Variants in CDH8 observed in about 807,000 individuals in gnomAD.
CDH8 encodes the protein cadherin-8.
A neutral mutation model predicts 68.1 loss-of-function variants in CDH8; 17 were observed. The observed-to-expected ratio is 0.25, with a 90% confidence interval of 0.17 to 0.37. The LOEUF (loss-of-function observed/expected upper bound fraction) is 0.37, where lower values mean the gene tolerates loss of function less well. Among genes scored for constraint, CDH8 ranks in the 10% least tolerant of loss-of-function variants. The pLI, the probability that CDH8 is intolerant of heterozygous loss-of-function variation, is 1.00. For synonymous variants in CDH8, 372 were observed against 365.1 expected (o/e 1.02, Z -0.21); for missense variants, 763 against 999.3 (o/e 0.76, Z 3.19).
At position 61,983,850 on chromosome 16, in the gene CDH8, G is replaced by C. The variant is rs371212278; in HGVS notation, c.252+37302C>G. 1.3e-4 allele frequency among the ~76,000 whole-genome samples: 20 copies of C among 150,514 alleles called. No individual in the cohort carries two copies. The East Asian group carries it at 3.1e-3, about 23-fold the overall frequency. On this transcript the variant is annotated intron_variant, in intron 2 of 11. Transcript: ENST00000577390. ...CTGCCTTCTTGCTATGTCTTCACAT[G>C]GCAAGGAGAGAAAGCTCTGGTGTTT...
In CDH8 at chr16:61,731,509, C is replaced by G. The variant is rs534260844; in HGVS notation, c.1415-4294G>C. ...ATCAAAGAGAGCCCTGCCAAAACCA[C>G]TGTATTTCCAGGTGTTTATGTAAAT... is the stretch of plus-strand genomic sequence containing the variant. On this transcript the variant is annotated intron_variant, in intron 8 of 11. Transcript: ENST00000577390. 2.6e-5 allele frequency among the ~76,000 whole-genome samples: 4 copies of G among 151,822 alleles called. No homozygotes were observed. In the East Asian group the frequency reaches 7.8e-4, roughly 29 times the overall value.
At chr16:61,903,060 C>T (rs1233875871) in intron 2 of CDH8, among the ~76,000 whole-genome samples, 1 of 152,062 alleles carries the variant, frequency 6.6e-6, no homozygotes, top group Admixed American at 6.5e-5. Flanking sequence ...AGTTTCCATT[C>T]ACATACAAGG....
chr16:61,925,666 G>T (rs138170753), intron 2 of CDH8, among the ~76,000 whole-genome samples: 1 of 152,130 alleles, frequency 6.6e-6, no homozygotes, highest in Non-Finnish European at 1.5e-5. Flanking sequence ...CAAGCAACAT[G>T]AATTTCAAGG....
intron 10 of CDH8, among the ~76,000 whole-genome samples, chr16:61,698,417 A>G (rs1348866993): frequency 6.6e-6 from 1 of 152,134 alleles, no homozygotes; most frequent in Non-Finnish European, 1.5e-5. Context: ...TGCCTCCGAG[A>G]GTCTTTTATG....
intron 4 of CDH8, among the ~76,000 whole-genome samples, chr16:61,829,995 C>T (rs1278344797): frequency 6.6e-6 from 1 of 151,782 alleles, no homozygotes; most frequent in Non-Finnish European, 1.5e-5. Context: ...CTTTACTATT[C>T]CTATTCACAA....
intron 4 of CDH8, among the ~76,000 whole-genome samples, chr16:61,848,321 T>A (rs181512174): frequency 6.6e-6 from 1 of 152,132 alleles, no homozygotes; most frequent in Non-Finnish European, 1.5e-5. Flanking sequence ...ATAGTCTTTC[T>A]ATCCAGCATG....
chr16:61,833,707 A>G (rs1177790332), intron 4 of CDH8, among the ~76,000 whole-genome samples: 1 of 151,876 alleles, frequency 6.6e-6, no homozygotes, highest in South Asian at 2.1e-4. Context: ...GATTTGCCAT[A>G]TACTTTGGTT....
rs182578374 is a variant in CDH8, at chr16:61,708,799, A to G, written c.1654+5042T>C. Among the ~76,000 whole-genome samples the G allele has an allele frequency of 2.0e-5, 3 of 152,330 alleles. No homozygotes were observed. In the East Asian group the frequency reaches 5.8e-4, roughly 29 times the overall value. On this transcript the variant is annotated intron_variant, in intron 10 of 11. Coordinates refer to ENST00000577390, the MANE Select transcript of CDH8 (RefSeq NM_001796.5). ...ATGCATAGTGCTGTTCTCCGTATCT[A>G]TGATCTGTCACACCTCCTGTTTCAT...
intron 2 of CDH8, among the ~76,000 whole-genome samples, chr16:62,015,013 C>A (rs1423349602): frequency 6.6e-6 from 1 of 151,726 alleles, no homozygotes; most frequent in Non-Finnish European, 1.5e-5. Flanking sequence ...TACCCCCCCA[C>A]CACAAACACA....
At chr16:61,686,362 A>G (rs978901415) in intron 10 of CDH8, among the ~76,000 whole-genome samples, 4 of 152,000 alleles carry the variant, frequency 2.6e-5, no homozygotes, top group Non-Finnish European at 4.4e-5. Flanking sequence ...ATTGATTGCC[A>G]CAACTATCCA....
intron 10 of CDH8, among the ~76,000 whole-genome samples, chr16:61,656,805 C>T (rs1312895545): frequency 6.6e-6 from 1 of 152,168 alleles, no homozygotes; most frequent in South Asian, 2.1e-4. Context: ...ATTGGTCCCA[C>T]ATTAGATACA....
At position 61,653,419 on chromosome 16, in the gene CDH8, T is replaced by C; in HGVS notation, c.*189A>G. 2.9e-6 allele frequency: 4 copies of C among 1,387,496 alleles called. No homozygotes were observed. Among genetic ancestry groups the C allele is most frequent in the South Asian group, 3.7e-5 (2 of 54,214 alleles). The allele number at this position is 1,387,496 out of a possible 1,614,324, so 85.9% of individuals were successfully genotyped here. On this transcript the variant is annotated 3_prime_UTR_variant, in exon 12 of 12. Transcript: ENST00000577390. ...CTTAATTCACACTCCACAAGATTTATAACCTCCTAACATATACTTTTTTAT... is the reference window on the plus strand; with the variant it reads ...CTTAATTCACACTCCACAAGATTTACAACCTCCTAACATATACTTTTTTAT...
chr16:62,022,139 CA>C (rs1208245566), intron 1 of CDH8, among the ~76,000 whole-genome samples: 1 of 151,942 alleles, frequency 6.6e-6, no homozygotes, highest in Non-Finnish European at 1.5e-5. Context: ...GAATTAACAA[CA>C]TTAAAAAAAT....
intron 10 of CDH8, among the ~76,000 whole-genome samples, chr16:61,669,086 G>A (rs770966044): frequency 2.6e-5 from 4 of 151,922 alleles, no homozygotes; most frequent in Non-Finnish European, 5.9e-5. Flanking sequence ...TGATTTGTAG[G>A]TCAAATATCC....
intron 3 of CDH8, among the ~76,000 whole-genome samples, chr16:61,880,322 T>C (rs904545657): frequency 2.0e-5 from 3 of 152,194 alleles, no homozygotes; most frequent in Admixed American, 6.5e-5. Context: ...GTCAGTTGCA[T>C]ATGTGGAGGT....
chr16:61,795,003 G>A (rs569798243), intron 7 of CDH8, among the ~76,000 whole-genome samples: 1 of 151,752 alleles, frequency 6.6e-6, no homozygotes, highest in Admixed American at 6.6e-5. Context: ...CAAAGATTCA[G>A]TTTGCTTTTT....
chr16:61,738,155 C>G (rs1249469852), intron 8 of CDH8, among the ~76,000 whole-genome samples: 1 of 152,054 alleles, frequency 6.6e-6, no homozygotes, highest in Non-Finnish European at 1.5e-5. Context: ...TTTGAAAATG[C>G]CTTAAACTCC....
intron 7 of CDH8, among the ~76,000 whole-genome samples, chr16:61,804,146 A>G (rs1232996907): frequency 1.4e-5 from 2 of 147,204 alleles, no homozygotes; most frequent in Non-Finnish European, 3.0e-5. Flanking sequence ...ATCAAACTAG[A>G]ACTCAGGATT....
rs900781756 is a variant in CDH8, at chr16:61,804,052, G to C, written c.1277+13427C>G. Among the ~76,000 whole-genome samples, 180 of 132,586 alleles carry C rather than the reference G, an allele frequency of 1.4e-3. 1 individual carries two copies. The highest frequency in any genetic ancestry group is 2.0e-3 in the Admixed American group (27 of 13,460). The allele number at this position is 132,586 out of a possible 152,430, so 87.0% of individuals were successfully genotyped here. On this transcript the variant is annotated intron_variant, in intron 7 of 11. Transcript: ENST00000577390. ...ACCACACCACACCTATTCCAAAATT[G>C]ACCACATAGTTGGAAGTAAAGCTCT...
Sources: allele counts gnomAD v4.1 joint callset (sites outside exome capture counted in the v4.1 genomes callset), GRCh38; gene constraint gnomAD v4.1.1; transcripts MANE v1.5; gene names NCBI Gene and HGNC (gene_info 2026-07-23, HGNC 2026-07-21).